TTC27: variants seen among roughly 807,000 people sequenced by gnomAD.
The protein encoded by TTC27 is tetratricopeptide repeat domain 27.
Under a neutral mutation model 115.9 loss-of-function variants are expected in TTC27, and 79 were observed. The observed-to-expected ratio is 0.68, with a 90% confidence interval of 0.57 to 0.82. The LOEUF (loss-of-function observed/expected upper bound fraction) is 0.82, where lower values mean the gene tolerates loss of function less well. TTC27 is among the 40% of genes least tolerant of loss of function. The pLI is 0.00. For missense variants in TTC27, 1,054 were observed against 993.1 expected (o/e 1.06, Z -0.82); for synonymous variants, 401 against 356.0 (o/e 1.13, Z -1.42).
intron 16 of TTC27, among the ~76,000 whole-genome samples, chr2:32,795,100 C>T (rs192758502): frequency 4.0e-5 from 6 of 150,652 alleles, no homozygotes; most frequent in Admixed American, 2.7e-4. Flanking sequence ...CCAGCATTAC[C>T]CTGATACCAA....
chr2:32,658,003 AT>A (rs1665394636), intron 5 of TTC27, among the ~76,000 whole-genome samples: 1 of 152,130 alleles, frequency 6.6e-6, no homozygotes, highest in African/African-American at 2.4e-5. Flanking sequence ...CTAATTTTGT[AT>A]TTTTGGTAGA....
intron 18 of TTC27, among the ~76,000 whole-genome samples, chr2:32,814,590 A>G (rs780906699): frequency 6.6e-6 from 1 of 152,256 alleles, no homozygotes; most frequent in Admixed American, 6.5e-5. Context: ...CAAGCATCCC[A>G]TAGCAACATT....
At position 32,630,348 on chromosome 2, in the gene TTC27, A is replaced by T. The variant is rs897628844; in HGVS notation, c.89-175A>T. Among the ~76,000 whole-genome samples the T allele has an allele frequency of 5.3e-5, 8 of 152,282 alleles. No homozygotes were observed. The East Asian group carries it at 1.5e-3, about 29-fold the overall frequency. On this transcript the variant is annotated intron_variant, in intron 1 of 19. Coordinates refer to ENST00000317907, the MANE Select transcript of TTC27 (RefSeq NM_017735.5). ...TGAGCTGCTAATTCTAGGAGAGAGA[A>T]TGTTTGTAGAATGATGGAAATTTAC...
chr2:32,688,246 C>T (rs902989222), intron 9 of TTC27, among the ~76,000 whole-genome samples: 2 of 151,994 alleles, frequency 1.3e-5, no homozygotes, highest in African/African-American at 4.8e-5. Flanking sequence ...GACCACAGAA[C>T]AAAACAGAGA....
At chr2:32,727,068 A>G (rs532759773) in intron 10 of TTC27, among the ~76,000 whole-genome samples, 1 of 152,328 alleles carries the variant, frequency 6.6e-6, no homozygotes, top group South Asian at 2.1e-4. Flanking sequence ...TGGGAATTCA[A>G]GATGAGATTT....
intron 13 of TTC27, among the ~76,000 whole-genome samples, chr2:32,774,979 A>G (rs1031757376): frequency 2.0e-5 from 3 of 152,236 alleles, no homozygotes; most frequent in Non-Finnish European, 4.4e-5. Context: ...AAATTAAGTC[A>G]TCTGTCTGAT....
At chr2:32,728,886 A>G (rs992106484) in intron 10 of TTC27, among the ~76,000 whole-genome samples, 14 of 152,170 alleles carry the variant, frequency 9.2e-5, no homozygotes, top group Non-Finnish European at 1.9e-4. Context: ...GAGCTTGACT[A>G]GTCTATTTGT....
intron 13 of TTC27, among the ~76,000 whole-genome samples, chr2:32,765,189 T>C (rs1669583518): frequency 6.6e-6 from 1 of 152,192 alleles, no homozygotes; most frequent in Non-Finnish European, 1.5e-5. Flanking sequence ...TTGTGAAATG[T>C]ATTTCTCAAA....
At chr2:32,746,563 C>CTAAAAA in intron 12 of TTC27, among the ~76,000 whole-genome samples, 1 of 46,296 alleles carries the variant, frequency 2.2e-5, no homozygotes, top group African/African-American at 9.1e-5. Context: ...AACTCCATCT[C>CTAAAAA]AAAAAAAAAA....
At chr2:32,807,634 G>A (rs1489223709) in intron 16 of TTC27, among the ~76,000 whole-genome samples, 2 of 152,064 alleles carry the variant, frequency 1.3e-5, no homozygotes, top group East Asian at 1.9e-4. Context: ...ATTATGGGGG[G>A]TTTCTCTTCA....
In TTC27 at chr2:32,628,261, A is replaced by G; in HGVS notation, c.-32A>G. The G allele has an allele frequency of 6.3e-7, 1 of 1,587,360 alleles. No homozygotes were observed. Among genetic ancestry groups the G allele is most frequent in the Non-Finnish European group, 8.6e-7 (1 of 1,168,392 alleles). ...TTGACTCCCGTGTGGCCCTCGTGGG[A>G]GCCTGTTTTGGCTGCAGCGGTGTCT... On this transcript the variant is annotated 5_prime_UTR_variant, in exon 1 of 20. Coordinates refer to ENST00000317907, the MANE Select transcript of TTC27 (RefSeq NM_017735.5).
rs1392028826 is a variant in TTC27, at chr2:32,796,006, T to C, written c.1998+8857T>C. Among the ~76,000 whole-genome samples, 4 of 152,124 alleles carry C rather than the reference T, an allele frequency of 2.6e-5. No individual in the cohort carries two copies. In the South Asian group the frequency reaches 8.3e-4, roughly 32 times the overall value. Reference sequence around the variant, plus strand: ...AAGAAGTAAAAGACATCCAAATTGGTAAGAAATAAAATTATCTGTTTGCAG... The same window carrying C: ...AAGAAGTAAAAGACATCCAAATTGGCAAGAAATAAAATTATCTGTTTGCAG... On this transcript the variant is annotated intron_variant, in intron 16 of 19. Coordinates refer to ENST00000317907, the MANE Select transcript of TTC27 (RefSeq NM_017735.5).
intron 16 of TTC27, among the ~76,000 whole-genome samples, chr2:32,791,439 G>A (rs767223647): frequency 1.3e-5 from 2 of 152,168 alleles, no homozygotes. Flanking sequence ...ACTTAACACA[G>A]GTTATCTTTT....
intron 9 of TTC27, 110 bp downstream of exon 9, chr2:32,679,032 TA>T (rs1666328091): frequency 1.1e-6 from 1 of 874,490 alleles, no homozygotes; most frequent in African/African-American, 1.7e-5. Context: ...CCTAAGGAAA[TA>T]AGGTGGAGAA....
intron 13 of TTC27, among the ~76,000 whole-genome samples, chr2:32,773,614 C>G (rs1669900944): frequency 6.6e-6 from 1 of 152,230 alleles, no homozygotes; most frequent in Admixed American, 6.5e-5. Context: ...CTGACTCTGA[C>G]TCTTTGTCGC....
At chr2:32,754,292 C>A (rs1405887323) in intron 12 of TTC27, among the ~76,000 whole-genome samples, 2 of 150,460 alleles carry the variant, frequency 1.3e-5, no homozygotes, top group Non-Finnish European at 3.0e-5. Context: ...GACCCTTCGG[C>A]CTTCCGCAGT....
intron 5 of TTC27, among the ~76,000 whole-genome samples, chr2:32,656,551 A>G (rs972299063): frequency 3.9e-5 from 6 of 152,178 alleles, no homozygotes; most frequent in African/African-American, 1.4e-4. Context: ...TACAGGTGGG[A>G]AGGAGCTAGA....
At chr2:32,641,978 C>G (rs537618377) in intron 4 of TTC27, among the ~76,000 whole-genome samples, 118 of 152,292 alleles carry the variant, frequency 7.7e-4, no homozygotes, top group Non-Finnish European at 1.1e-3. Flanking sequence ...GCCTCAGCCT[C>G]CCAAGTAGCT....
chr2:32,633,499 A>G (rs1664292430), intron 2 of TTC27, among the ~76,000 whole-genome samples: 1 of 152,040 alleles, frequency 6.6e-6, no homozygotes, highest in Non-Finnish European at 1.5e-5. Flanking sequence ...TACAGCCTCA[A>G]ACTCCTGGGC....
Sources: gnomAD v4.1 joint callset for allele counts (sites outside exome capture counted in the v4.1 genomes callset) on GRCh38, gnomAD v4.1.1 for gene constraint, MANE v1.5 for transcripts, NCBI Gene and HGNC (gene_info 2026-07-23, HGNC 2026-07-21) for gene names.